Variants in DST observed in about 807,000 individuals in gnomAD.
DST encodes the protein bullous pemphigoid antigen.
In DST, 253 loss-of-function variants were observed where a neutral mutation model predicts 875.2. The ratio of observed to expected loss-of-function variants is 0.29; its 90% confidence interval spans 0.26 to 0.32. The LOEUF is 0.32. DST is among the 10% of genes least tolerant of loss of function. The pLI is 1.00. For synonymous variants in DST, 3,124 were observed against 3,197.1 expected (o/e 0.98, Z 0.77); for missense variants, 8,287 against 9,111.6 (o/e 0.91, Z 3.68).
At chr6:56,740,157 C>T (rs2099541484) in intron 4 of DST, among the ~76,000 whole-genome samples, 1 of 152,176 alleles carries the variant, frequency 6.6e-6, no homozygotes, top group Non-Finnish European at 1.5e-5. Flanking sequence ...CGTGAGCCAC[C>T]GCACCTGGCC....
chr6:56,728,910 G>A (rs549399000), intron 5 of DST, among the ~76,000 whole-genome samples: 8 of 148,222 alleles, frequency 5.4e-5, no homozygotes, highest in East Asian at 2.1e-4. Flanking sequence ...ACATACTGAA[G>A]TATTTAGAGG....
chr6:56,690,235 C>G (rs756302452), intron 9 of DST, among the ~76,000 whole-genome samples: 1 of 152,100 alleles, frequency 6.6e-6, no homozygotes, highest in Non-Finnish European at 1.5e-5. Context: ...GTATATGAGG[C>G]ATAGTCTATT....
At position 56,632,874 on chromosome 6, in the gene DST, A is replaced by C. The variant is rs745535236; in HGVS notation, c.3785T>G (p.Leu1262Arg). 1.9e-6 allele frequency: 3 copies of C among 1,613,884 alleles called. No homozygotes were observed. The Admixed American group carries it at 5.0e-5, about 27-fold the overall frequency. Reference protein sequence around the residue: ...VNVCKQYYQELLKSAEREEQE... With the variant: ...VNVCKQYYQERLKSAEREEQE... ...TTTACCTCTTTCTGCAGATTTAAGAAGTTCTTGATAATACTGCTTACATAC... is the reference window on the plus strand; with the variant it reads ...TTTACCTCTTTCTGCAGATTTAAGACGTTCTTGATAATACTGCTTACATAC... The change falls in exon 28 of 104, where the codon CTT becomes CGT. Residue 1262 changes from leucine (L) to arginine (R), a missense_variant. Physicochemically the swap from Leu to Arg is moderately radical, Grantham distance 102 (BLOSUM62 -2). This residue lies in a region of DST where 3,138 missense variants were observed against 3,116.6 expected (regional missense o/e 1.01). Coordinates refer to ENST00000680361, the MANE Select transcript of DST (RefSeq NM_001374736.1).
chr6:56,466,700 C>T (rs2094590542), intron 98 of DST: 1 of 152,184 alleles, frequency 6.6e-6, no homozygotes, highest in Admixed American at 6.5e-5. Context: ...TCTGTAAGGG[C>T]AGTTTTCACT....
At chr6:56,919,464 T>A (rs1044694129) in intron 2 of DST, among the ~76,000 whole-genome samples, 4 of 152,238 alleles carry the variant, frequency 2.6e-5, no homozygotes, top group Admixed American at 2.0e-4. Context: ...CTTTCTCCAA[T>A]GAATTTATTG....
intron 3 of DST, chr6:56,851,808 T>G: frequency 6.4e-7 from 1 of 1,551,582 alleles, no homozygotes; most frequent in Non-Finnish European, 8.7e-7. Flanking sequence ...TGGCCAAGTC[T>G]CCAATCGTAA....
intron 5 of DST, among the ~76,000 whole-genome samples, chr6:56,721,649 G>C (rs757901875): frequency 2.0e-5 from 3 of 152,174 alleles, no homozygotes; most frequent in Non-Finnish European, 2.9e-5. Context: ...GCAATATACT[G>C]AACTGGCCTA....
intron 5 of DST, among the ~76,000 whole-genome samples, chr6:56,715,018 A>G (rs1042147308): frequency 4.6e-5 from 7 of 152,206 alleles, no homozygotes; most frequent in African/African-American, 1.7e-4. Flanking sequence ...CTCACTGCAA[A>G]TGCTTAATGT....
chr6:56,802,809 C>T (rs533585285), intron 4 of DST, among the ~76,000 whole-genome samples: 2 of 152,210 alleles, frequency 1.3e-5, no homozygotes, highest in Middle Eastern at 3.4e-3. Context: ...TGGAAGCCAG[C>T]CAAACCAATA....
intron 27 of DST, 83 bp downstream of exon 27, chr6:56,634,049 A>T: frequency 6.6e-7 from 1 of 1,525,232 alleles, no homozygotes; most frequent in Non-Finnish European, 9.0e-7. Context: ...TCCTATTCTA[A>T]AGCAAATACA....
At chr6:56,694,747 T>TG (rs1222313322) in intron 9 of DST, among the ~76,000 whole-genome samples, 1 of 152,082 alleles carries the variant, frequency 6.6e-6, no homozygotes, top group South Asian at 2.1e-4. Context: ...ATGGGCCTAG[T>TG]GGGGGGTGTC....
At chr6:56,563,338 T>A (rs1423106458) in intron 55 of DST, among the ~76,000 whole-genome samples, 2 of 152,348 alleles carry the variant, frequency 1.3e-5, no homozygotes, top group East Asian at 3.9e-4. Flanking sequence ...TAATGACCAG[T>A]GATGATGAGC....
At chr6:56,571,631 A>C (rs555630201) in intron 53 of DST, among the ~76,000 whole-genome samples, 1 of 152,296 alleles carries the variant, frequency 6.6e-6, no homozygotes, top group East Asian at 1.9e-4. Context: ...GTGTTTTTTC[A>C]CAGGTTCATA....
chr6:56,761,068 A>C (rs1421007103), intron 4 of DST, among the ~76,000 whole-genome samples: 5 of 152,222 alleles, frequency 3.3e-5, no homozygotes, highest in African/African-American at 1.2e-4. Context: ...TGATTTCTAC[A>C]TCACTTACCC....
chr6:56,842,198 T>C (rs1294258687), intron 4 of DST, among the ~76,000 whole-genome samples: 1 of 152,158 alleles, frequency 6.6e-6, no homozygotes, highest in Non-Finnish European at 1.5e-5. Flanking sequence ...ATTCAAAAGA[T>C]ATAAAACCAT....
At chr6:56,738,343 CAA>C (rs1312320925) in intron 4 of DST, among the ~76,000 whole-genome samples, 10 of 151,992 alleles carry the variant, frequency 6.6e-5, no homozygotes, top group African/African-American at 2.4e-4. Flanking sequence ...TTTTTTGAGA[CAA>C]AATCTTGCTC....
Position 56,634,798 on chromosome 6 carries a change from T to C in DST, c.3339+3A>G. The C allele has an allele frequency of 6.2e-7, 1 of 1,613,902 alleles. No individual in the cohort carries two copies. The highest frequency in any genetic ancestry group is 8.5e-7 in the Non-Finnish European group (1 of 1,179,840). Reference sequence around the variant, plus strand: ...CTGGTCTGTTTCTAGGAGTTACAAGTACCTCAATTTGTCTGTAGTCACAGA... The same window carrying C: ...CTGGTCTGTTTCTAGGAGTTACAAGCACCTCAATTTGTCTGTAGTCACAGA... On this transcript the variant is annotated splice_donor_region_variant and intron_variant, in intron 25 of 103. Coordinates refer to ENST00000680361, the MANE Select transcript of DST (RefSeq NM_001374736.1).
intron 36 of DST, chr6:56,618,796 T>C: frequency 6.2e-7 from 1 of 1,614,182 alleles, no homozygotes; most frequent in South Asian, 1.1e-5. Context: ...ATTGTTTGAA[T>C]TTACCAGATT....
chr6:56,614,885 A>T, intron 36 of DST: 1 of 993,274 alleles, frequency 1.0e-6, no homozygotes, highest in Non-Finnish European at 1.2e-6. Context: ...CTGTACATGT[A>T]AGGAAAATAC....
Sources: gnomAD v4.1 joint callset for allele counts (sites outside exome capture counted in the v4.1 genomes callset) on GRCh38, gnomAD v4.1.1 for gene constraint, gnomAD v4.1.1 regional missense constraint, MANE v1.5 for transcripts, NCBI Gene and HGNC (gene_info 2026-07-23, HGNC 2026-07-21) for gene names.